Variants in CCSER1 observed in about 807,000 individuals in gnomAD.
CCSER1 encodes the protein serine-rich coiled-coil domain-containing protein 1.
A neutral mutation model predicts 82.0 loss-of-function variants in CCSER1; 41 were observed. The ratio of observed to expected loss-of-function variants is 0.50; its 90% CI spans 0.39 to 0.65. The LOEUF (loss-of-function observed/expected upper bound fraction) is 0.65. Ranked by LOEUF, CCSER1 falls within the 30% of genes least tolerant of loss-of-function variation. CCSER1 has a pLI of 0.00. For synonymous variants in CCSER1, 414 were observed against 383.9 expected (o/e 1.08, Z -0.92); for missense variants, 1,119 against 1,064.2 (o/e 1.05, Z -0.72).
intron 6 of CCSER1, among the ~76,000 whole-genome samples, chr4:90,690,183 A>G (rs1383211968): frequency 1.3e-5 from 2 of 152,052 alleles, no homozygotes; most frequent in African/African-American, 4.8e-5. Context: ...CCTTAAAAAT[A>G]TGAGTGTGAT....
intron 1 of CCSER1, among the ~76,000 whole-genome samples, chr4:90,291,796 G>T (rs1480718009): frequency 6.6e-6 from 1 of 151,836 alleles, no homozygotes; most frequent in African/African-American, 2.4e-5. Flanking sequence ...TAAAATTTAT[G>T]AATTTAGGTG....
At chr4:91,299,998 G>A (rs1744543540) in intron 10 of CCSER1, among the ~76,000 whole-genome samples, 1 of 151,896 alleles carries the variant, frequency 6.6e-6, no homozygotes, top group South Asian at 2.1e-4. Context: ...TAGCAGCTCG[G>A]AATTATGTTT....
intron 6 of CCSER1, among the ~76,000 whole-genome samples, chr4:90,650,591 A>G (rs1392172070): frequency 6.6e-6 from 1 of 152,210 alleles, no homozygotes; most frequent in Non-Finnish European, 1.5e-5. Flanking sequence ...TTCAACAGCT[A>G]ATATCTACTC....
intron 7 of CCSER1, among the ~76,000 whole-genome samples, chr4:90,794,842 T>A (rs1395509032): frequency 6.6e-6 from 1 of 152,218 alleles, no homozygotes; most frequent in African/African-American, 2.4e-5. Flanking sequence ...CTGTGATTTC[T>A]TCGAGAAGTG....
chr4:91,090,355 C>A (rs1723820455), intron 10 of CCSER1, among the ~76,000 whole-genome samples: 1 of 152,134 alleles, frequency 6.6e-6, no homozygotes, highest in African/African-American at 2.4e-5. Flanking sequence ...CAATCCAGTC[C>A]TGGCGGAATT....
At chr4:91,472,493 C>T (rs953139979) in intron 10 of CCSER1, among the ~76,000 whole-genome samples, 5 of 152,124 alleles carry the variant, frequency 3.3e-5, no homozygotes, top group African/African-American at 1.2e-4. Context: ...TTTCATACCA[C>T]ATGATATTAT....
intron 9 of CCSER1, among the ~76,000 whole-genome samples, chr4:90,959,287 C>A (rs1733821055): frequency 6.6e-6 from 1 of 152,132 alleles, no homozygotes; most frequent in Non-Finnish European, 1.5e-5. Context: ...TATTATATTT[C>A]TATAATACGT....
At chr4:91,228,882 A>G (rs185438669) in intron 10 of CCSER1, among the ~76,000 whole-genome samples, 6 of 152,274 alleles carry the variant, frequency 3.9e-5, no homozygotes, top group African/African-American at 1.4e-4. Context: ...TGGCCCCAGG[A>G]TACTGATCAC....
At chr4:90,608,401 A>T (rs1785015157) in intron 5 of CCSER1, among the ~76,000 whole-genome samples, 1 of 152,158 alleles carries the variant, frequency 6.6e-6, no homozygotes, top group Non-Finnish European at 1.5e-5. Flanking sequence ...GGGTCCTCTG[A>T]TTGGGGACTG....
At chr4:91,334,058 A>G (rs1747144821) in intron 10 of CCSER1, among the ~76,000 whole-genome samples, 1 of 152,138 alleles carries the variant, frequency 6.6e-6, no homozygotes, top group South Asian at 2.1e-4. Context: ...CAATTTAAAC[A>G]CTTTAAAAAG....
intron 10 of CCSER1, among the ~76,000 whole-genome samples, chr4:91,233,900 A>AT (rs1225750669): frequency 1.3e-5 from 2 of 151,924 alleles, no homozygotes; most frequent in Non-Finnish European, 2.9e-5. Flanking sequence ...TAGTAAAGCA[A>AT]TTACTAATAT....
At chr4:91,566,185 A>G (rs1762877543) in intron 10 of CCSER1, among the ~76,000 whole-genome samples, 1 of 152,142 alleles carries the variant, frequency 6.6e-6, no homozygotes, top group South Asian at 2.1e-4. Flanking sequence ...GATGTGATGA[A>G]TCACATTTAT....
Position 91,598,930 on chromosome 4 carries a change from T to C in CCSER1, c.2576T>C (p.Phe859Ser). ...QVATARQHST[F>S]TGRFGQPPRG... is the part of the protein sequence containing the mutation. ...GCTACGGCCCGACAGCATTCGACCTTTACAGGCAGGTTTGGACAGCCACCC... is the reference window on the plus strand; with the variant it reads ...GCTACGGCCCGACAGCATTCGACCTCTACAGGCAGGTTTGGACAGCCACCC... The change falls in exon 11 of 11, where the codon TTT becomes TCT. Residue 859 changes from phenylalanine to serine, a missense_variant. Phe to Ser is a radical substitution (Grantham distance 155, BLOSUM62 -2). Transcript: ENST00000509176. 1 of 1,551,558 alleles carries C rather than the reference T, an allele frequency of 6.4e-7. No individual in the cohort carries two copies. Among genetic ancestry groups the C allele is most frequent in the African/African-American group, 1.4e-5 (1 of 73,146 alleles).
At chr4:90,378,658 A>T (rs1344761363) in intron 3 of CCSER1, among the ~76,000 whole-genome samples, 1 of 152,202 alleles carries the variant, frequency 6.6e-6, no homozygotes, top group African/African-American at 2.4e-5. Flanking sequence ...GCCTAAGACA[A>T]TGTATTTGAT....
chr4:90,669,874 A>G (rs1732487065), intron 6 of CCSER1, among the ~76,000 whole-genome samples: 1 of 152,144 alleles, frequency 6.6e-6, no homozygotes, highest in African/African-American at 2.4e-5. Context: ...TTTTTAAATG[A>G]GGATCTTTGC....
At chr4:91,027,590 C>T (rs919609242) in intron 9 of CCSER1, among the ~76,000 whole-genome samples, 8 of 151,976 alleles carry the variant, frequency 5.3e-5, no homozygotes, top group African/African-American at 1.7e-4. Flanking sequence ...CTGTCATTCT[C>T]ACAGCCCTAT....
chr4:90,778,803 C>A (rs997661479), intron 7 of CCSER1, among the ~76,000 whole-genome samples: 1 of 151,966 alleles, frequency 6.6e-6, no homozygotes, highest in Non-Finnish European at 1.5e-5. Flanking sequence ...TTTATTAACT[C>A]TAACATTAAA....
At chr4:90,881,775 A>G (rs561329101) in intron 8 of CCSER1, among the ~76,000 whole-genome samples, 314 of 152,282 alleles carry the variant, frequency 2.1e-3, no homozygotes, top group Admixed American at 7.1e-3. Context: ...ACAGAGTAAG[A>G]CCATGTCTCA....
intron 1 of CCSER1, among the ~76,000 whole-genome samples, chr4:90,265,533 C>T (rs1231489591): frequency 1.3e-5 from 2 of 151,664 alleles, no homozygotes; most frequent in African/African-American, 4.8e-5. Flanking sequence ...TATTTCTGTC[C>T]ACATTGCCAT....
Sources: gnomAD v4.1 joint callset for allele counts (sites outside exome capture counted in the v4.1 genomes callset) on GRCh38, gnomAD v4.1.1 for gene constraint, MANE v1.5 for transcripts, NCBI Gene and HGNC (gene_info 2026-07-23, HGNC 2026-07-21) for gene names.